Variants in NELL1 observed in about 807,000 individuals in gnomAD.
The protein encoded by NELL1 is neural EGFL like 1.
In NELL1, 76 loss-of-function variants were observed where a neutral mutation model predicts 107.4. The observed-to-expected ratio is 0.71, with a 90% confidence interval of 0.59 to 0.86. The LOEUF (loss-of-function observed/expected upper bound fraction) is 0.86. Among genes scored for constraint, NELL1 ranks in the 40% least tolerant of loss-of-function variants. The pLI is 0.00. For synonymous variants in NELL1, 353 were observed against 341.2 expected, an observed-to-expected ratio of 1.03 and a Z score of -0.38; for missense variants, 1,024 against 1,005.5, an observed-to-expected ratio of 1.02 and a Z score of -0.25.
At position 20,934,320 on chromosome 11, in the gene NELL1, G is replaced by A. The variant is rs140999739; in HGVS notation, c.998-3466G>A. On this transcript the variant is annotated intron_variant, in intron 9 of 19. Transcript: ENST00000357134. The stretch of plus-strand genomic sequence containing the variant: ...ATACATTCTGCACTAGTGCCAAATT[G>A]CAGATGGTTGAGGCGTGCAGTAATA... 3.0e-3 allele frequency among the ~76,000 whole-genome samples: 457 copies of A among 152,282 alleles called. 2 individuals are homozygous for A. The highest frequency in any genetic ancestry group is 0.011 in the African/African-American group (439 of 41,568).
chr11:21,575,084 A>T lies in NELL1; in HGVS notation c.*62A>T. On this transcript the variant is annotated 3_prime_UTR_variant, in exon 20 of 20. Coordinates refer to ENST00000357134, the MANE Select transcript of NELL1 (RefSeq NM_006157.5). ...AAATGACCATCCAACGTGATTAAGG[A>T]TAGGAATCGGTAGTTTGGTTTTTTT... 1 of 1,395,806 alleles carries T rather than the reference A, an allele frequency of 7.2e-7. No homozygotes were observed. The highest frequency in any genetic ancestry group is 1.0e-6 in the Non-Finnish European group (1 of 984,516). 86.5% of individuals were successfully genotyped at this position (1,395,806 alleles called of 1,614,324 possible).
intron 12 of NELL1, among the ~76,000 whole-genome samples, chr11:21,018,586 G>A (rs549297316): frequency 7.2e-5 from 11 of 152,176 alleles, no homozygotes; most frequent in East Asian, 1.9e-4. Flanking sequence ...CAGTCTGGCC[G>A]TTGTCACTGC....
chr11:21,528,809 C>G (rs1855923971), intron 15 of NELL1, among the ~76,000 whole-genome samples: 1 of 152,022 alleles, frequency 6.6e-6, no homozygotes, highest in Non-Finnish European at 1.5e-5. Context: ...AACTACAAAG[C>G]TTTGTCTTGT....
chr11:21,519,321 G>C (rs1855654757), intron 15 of NELL1, among the ~76,000 whole-genome samples: 1 of 152,138 alleles, frequency 6.6e-6, no homozygotes, highest in Admixed American at 6.6e-5. Context: ...TGGCAAGCTT[G>C]TTTAAATACA....
intron 2 of NELL1, among the ~76,000 whole-genome samples, chr11:20,766,713 G>A (rs760030791): frequency 4.0e-5 from 6 of 151,894 alleles, no homozygotes; most frequent in Non-Finnish European, 5.9e-5. Context: ...TTTAAAGGAG[G>A]CTTTAAATCC....
At chr11:21,147,975 A>G (rs1856024827) in intron 13 of NELL1, among the ~76,000 whole-genome samples, 1 of 152,096 alleles carries the variant, frequency 6.6e-6, no homozygotes. Context: ...TACGCAGGCA[A>G]TAGTCTTCAA....
intron 2 of NELL1, among the ~76,000 whole-genome samples, chr11:20,736,990 T>C (rs11825917): frequency 0.055 from 8,356 of 152,088 alleles, 750 homozygotes; most frequent in African/African-American, 0.19. Flanking sequence ...CCTGACCTCA[T>C]GATCTGCCTG....
intron 14 of NELL1, among the ~76,000 whole-genome samples, chr11:21,345,899 C>A (rs555504058): frequency 4.6e-5 from 7 of 152,324 alleles, no homozygotes; most frequent in Admixed American, 3.9e-4. Context: ...CTTGCAATCA[C>A]AGTGTGCTTC....
At chr11:20,871,476 A>G (rs1564943334) in intron 4 of NELL1, among the ~76,000 whole-genome samples, 2 of 152,178 alleles carry the variant, frequency 1.3e-5, no homozygotes, top group South Asian at 4.1e-4. Flanking sequence ...CTATCTATGT[A>G]TCTATCTATC....
At position 20,715,964 on chromosome 11, in the gene NELL1, T is replaced by A. The variant is rs562294157; in HGVS notation, c.184+37904T>A. On this transcript the variant is annotated intron_variant, in intron 2 of 19. Coordinates refer to ENST00000357134, the MANE Select transcript of NELL1 (RefSeq NM_006157.5). ...TGAATGTTCTGATTCTAATTAGGAT[T>A]TATCTTTACATATTGGGGCTAAATT... Among the ~76,000 whole-genome samples the A allele has an allele frequency of 7.2e-5, 11 of 152,388 alleles. No individual in the cohort carries two copies. In the East Asian group the frequency reaches 1.9e-3, roughly 27 times the overall value.
chr11:21,478,171 C>T (rs911758900), intron 15 of NELL1, among the ~76,000 whole-genome samples: 2 of 152,030 alleles, frequency 1.3e-5, no homozygotes, highest in African/African-American at 4.8e-5. Context: ...GGAAAACTGC[C>T]ACTTTTAAAC....
chr11:20,988,124 A>G (rs558233834), intron 12 of NELL1, among the ~76,000 whole-genome samples: 52 of 152,310 alleles, frequency 3.4e-4, no homozygotes, highest in African/African-American at 1.1e-3. Context: ...TTGAAATTTC[A>G]TATCATTTAA....
chr11:21,122,160 C>T (rs1250673493), intron 13 of NELL1, among the ~76,000 whole-genome samples: 1 of 152,118 alleles, frequency 6.6e-6, no homozygotes, highest in African/African-American at 2.4e-5. Flanking sequence ...TGGAGCTTGC[C>T]CCTAGGGTGT....
Position 20,789,242 on chromosome 11 carries a change from G to A in NELL1, c.335+5412G>A, listed in dbSNP as rs962380619. On this transcript the variant is annotated intron_variant, in intron 3 of 19. Transcript: ENST00000357134. ...GGTGTCATGCCTCCAAGGGAGATGG[G>A]AGTCAGGCATGGAGCAGCAAGGGGT... 5.9e-5 allele frequency among the ~76,000 whole-genome samples: 9 copies of A among 152,198 alleles called. No individual in the cohort carries two copies. In the South Asian group the frequency reaches 1.7e-3, roughly 28 times the overall value.
At chr11:21,406,694 T>A (rs1408425156) in intron 15 of NELL1, among the ~76,000 whole-genome samples, 1 of 152,032 alleles carries the variant, frequency 6.6e-6, no homozygotes, top group African/African-American at 2.4e-5. Flanking sequence ...TCTATTCCTA[T>A]TTATTTTTAT....
intron 4 of NELL1, among the ~76,000 whole-genome samples, chr11:20,872,018 CAAAAAAAAAAAA>C (rs1160968611): frequency 2.4e-5 from 1 of 41,700 alleles, no homozygotes; most frequent in Non-Finnish European, 3.9e-5. Context: ...GACTCCGTCT[CAAAAAAAAAAAA>C]AAAAAAAAAA....
At chr11:20,885,373 C>T in intron 4 of NELL1, 71 bp from the exon 5 acceptor site, 1 of 943,714 alleles carries the variant, frequency 1.1e-6, no homozygotes, top group Non-Finnish European at 1.8e-6. Context: ...ATGCATACTT[C>T]AAACAGCATA....
chr11:20,888,559 C>T (rs911739379), intron 5 of NELL1, among the ~76,000 whole-genome samples: 3 of 151,702 alleles, frequency 2.0e-5, no homozygotes, highest in East Asian at 1.9e-4. Context: ...ATAAGTATAA[C>T]GGGTAAGAAT....
intron 4 of NELL1, among the ~76,000 whole-genome samples, chr11:20,874,945 G>C (rs1259945934): frequency 6.6e-6 from 1 of 152,074 alleles, no homozygotes; most frequent in Non-Finnish European, 1.5e-5. Context: ...TCCTTCAACT[G>C]TTCATCACTT....
Sources: gnomAD v4.1 joint callset for allele counts (sites outside exome capture counted in the v4.1 genomes callset) on GRCh38, gnomAD v4.1.1 for gene constraint, MANE v1.5 for transcripts, NCBI Gene and HGNC (gene_info 2026-07-23, HGNC 2026-07-21) for gene names.